PRKAG2: variants seen among roughly 807,000 people sequenced by gnomAD.
The protein encoded by PRKAG2 is protein kinase AMP-activated non-catalytic subunit gamma 2, also known as 5'-AMP-activated protein kinase subunit gamma-2.
PRKAG2 carries 26 observed loss-of-function variants against 69.6 expected under a neutral mutation model. The observed-to-expected ratio is 0.37, with a 90% CI of 0.27 to 0.52. The LOEUF (loss-of-function observed/expected upper bound fraction) is 0.52. Among genes scored for constraint, PRKAG2 ranks in the 20% least tolerant of loss-of-function variants. PRKAG2 has a pLI of 0.90. For missense variants in PRKAG2, 557 were observed against 740.0 expected (o/e 0.75, Z 2.87); for synonymous variants, 293 against 285.0 (o/e 1.03, Z -0.28).
At chr7:151,598,008 G>T (rs1815058560) in intron 5 of PRKAG2, among the ~76,000 whole-genome samples, 1 of 152,156 alleles carries the variant, frequency 6.6e-6, no homozygotes. Context: ...CATGTGCACT[G>T]CCATGTTGAG....
intron 4 of PRKAG2, among the ~76,000 whole-genome samples, chr7:151,669,568 C>T (rs1831521360): frequency 6.6e-6 from 1 of 152,226 alleles, no homozygotes; most frequent in African/African-American, 2.4e-5. Context: ...ACCTGCCATA[C>T]ATTTCTATGA....
intron 3 of PRKAG2, among the ~76,000 whole-genome samples, chr7:151,681,087 T>C (rs6956272): frequency 0.37 from 56,612 of 151,912 alleles, 10,661 homozygotes; most frequent in African/African-American, 0.4. Flanking sequence ...CAAACCACGG[T>C]GTCCGCTCCT....
intron 3 of PRKAG2, among the ~76,000 whole-genome samples, chr7:151,776,823 G>A (rs1271454395): frequency 6.6e-6 from 1 of 152,154 alleles, no homozygotes; most frequent in Non-Finnish European, 1.5e-5. Context: ...TGTGGATTAG[G>A]GGCACAGGGG....
chr7:151,798,692 G>T (rs1258292157), intron 1 of PRKAG2, among the ~76,000 whole-genome samples: 1 of 152,208 alleles, frequency 6.6e-6, no homozygotes, highest in African/African-American at 2.4e-5. Context: ...TTGAAATCAT[G>T]CAGGTAGATT....
At chr7:151,570,302 TCA>T in intron 9 of PRKAG2, 77 bp from the exon 10 acceptor site, 1 of 1,480,536 alleles carries the variant, frequency 6.8e-7, no homozygotes, top group Non-Finnish European at 9.3e-7. Context: ...CAAATACCCT[TCA>T]GTTTACGGTT....
At chr7:151,751,561 T>C (rs1319759098) in intron 3 of PRKAG2, among the ~76,000 whole-genome samples, 1 of 152,022 alleles carries the variant, frequency 6.6e-6, no homozygotes, top group African/African-American at 2.4e-5. Context: ...CAGACTGGAG[T>C]GCAGTGCAAT....
intron 1 of PRKAG2, among the ~76,000 whole-genome samples, chr7:151,827,959 C>A (rs1048120464): frequency 2.0e-5 from 3 of 152,072 alleles, no homozygotes; most frequent in Non-Finnish European, 4.4e-5. Flanking sequence ...CCCATCATGT[C>A]GCTTCCTCTC....
chr7:151,746,636 C>T (rs1383252793), intron 3 of PRKAG2, among the ~76,000 whole-genome samples: 1 of 152,228 alleles, frequency 6.6e-6, no homozygotes, highest in Admixed American at 6.5e-5. Context: ...ACAAGGTGCC[C>T]GAAAGGACCT....
At chr7:151,703,360 C>T (rs1206201347) in intron 3 of PRKAG2, among the ~76,000 whole-genome samples, 2 of 152,110 alleles carry the variant, frequency 1.3e-5, no homozygotes, top group Non-Finnish European at 2.9e-5. Context: ...CTGGTGTTTC[C>T]CCTGCAGTGT....
intron 4 of PRKAG2, among the ~76,000 whole-genome samples, chr7:151,647,372 C>T (rs1364307163): frequency 2.0e-5 from 3 of 152,142 alleles, no homozygotes; most frequent in Non-Finnish European, 2.9e-5. Context: ...GATACAGGCC[C>T]GGCCCTCAGA....
chr7:151,593,489 C>A (rs997796605), intron 6 of PRKAG2, among the ~76,000 whole-genome samples: 1 of 152,152 alleles, frequency 6.6e-6, no homozygotes, highest in Non-Finnish European at 1.5e-5. Flanking sequence ...CCACTGTGCC[C>A]GGCCTACTGT....
At chr7:151,625,628 T>C (rs1465646359) in intron 5 of PRKAG2, among the ~76,000 whole-genome samples, 2 of 150,460 alleles carry the variant, frequency 1.3e-5, no homozygotes. Context: ...TGGCCGGGAG[T>C]GAGGGAGAGA....
At chr7:151,582,804 A>C (rs985128737) in intron 6 of PRKAG2, among the ~76,000 whole-genome samples, 4 of 152,224 alleles carry the variant, frequency 2.6e-5, no homozygotes, top group Non-Finnish European at 4.4e-5. Flanking sequence ...GGCCCGTGCC[A>C]GCTGTGTGGT....
intron 1 of PRKAG2, among the ~76,000 whole-genome samples, chr7:151,795,139 G>A (rs1323164937): frequency 6.6e-6 from 1 of 152,236 alleles, no homozygotes; most frequent in Non-Finnish European, 1.5e-5. Flanking sequence ...TCTTCTTCCA[G>A]CCTGTCTGAG....
intron 9 of PRKAG2, among the ~76,000 whole-genome samples, chr7:151,571,709 G>A (rs906271270): frequency 2.0e-5 from 3 of 152,126 alleles, no homozygotes; most frequent in Non-Finnish European, 4.4e-5. Context: ...AATTTGTTTA[G>A]CTTGGTTTGA....
intron 6 of PRKAG2, 91 bp downstream of exon 6, chr7:151,595,254 C>T (rs184129448): frequency 3.6e-5 from 32 of 894,746 alleles, no homozygotes; most frequent in African/African-American, 3.0e-4. Flanking sequence ...ACTCAATAAA[C>T]GTTTGCTGGC....
intron 4 of PRKAG2, among the ~76,000 whole-genome samples, chr7:151,656,122 A>C (rs1829374583): frequency 6.6e-6 from 1 of 152,232 alleles, no homozygotes; most frequent in Non-Finnish European, 1.5e-5. Flanking sequence ...TAAGTTTTAA[A>C]AATTATAAGT....
rs191848731 is a variant in PRKAG2 at position 151,558,362 on chromosome 7, G to A, written c.1679-1130C>T. ...ACAACCACCTAACAGTGCAGGTCCC[G>A]GGCACTGCGCCTCATTGCACACACA... is the stretch of plus-strand genomic sequence containing the variant. On this transcript the variant is annotated intron_variant, in intron 15 of 15. Transcript: ENST00000287878. The A allele has an allele frequency of 1.7e-4, 168 of 985,336 alleles. No homozygotes were observed. The African/African-American group carries it at 2.7e-3, about 16-fold the overall frequency. The allele number at this position is 985,336 out of a possible 1,614,324, so 61.0% of individuals were successfully genotyped here. A position where few individuals can be genotyped will look rare whatever the true frequency, so the allele number is the denominator to read the frequency against.
At chr7:151,741,413 C>T (rs1180638900) in intron 3 of PRKAG2, among the ~76,000 whole-genome samples, 1 of 152,152 alleles carries the variant, frequency 6.6e-6, no homozygotes, top group Admixed American at 6.5e-5. Flanking sequence ...CGCAGTGGCT[C>T]ACACCTATAA....
Sources: gnomAD v4.1 joint callset for allele counts (sites outside exome capture counted in the v4.1 genomes callset) on GRCh38, gnomAD v4.1.1 for gene constraint, MANE v1.5 for transcripts, NCBI Gene and HGNC (gene_info 2026-07-23, HGNC 2026-07-21) for gene names.